Variants in CIMAP2 observed in about 807,000 individuals in gnomAD.
CIMAP2 encodes the protein ciliary microtubule associated protein 2.
chr1:54,820,403 C>T, the CIMAP2 span, among the ~76,000 whole-genome samples: 3 of 151,796 alleles, frequency 2.0e-5, no homozygotes, highest in Non-Finnish European at 4.4e-5. Flanking sequence ...GTCTCAAACT[C>T]CTGGCTTCAA....
chr1:54,811,793 G>T, the CIMAP2 span: 1 of 258,626 alleles, frequency 3.9e-6, no homozygotes, highest in Non-Finnish European at 7.1e-6. Context: ...CCGCCCCACA[G>T]AACTACTATC....
At chr1:54,808,046 AG>A in the CIMAP2 span, 1 of 1,508,228 alleles carries the variant, frequency 6.6e-7, no homozygotes, top group East Asian at 2.4e-5. Context: ...CCAAGCAGAG[AG>A]CCTGGCATAC....
chr1:54,821,261 G>T, the CIMAP2 span, among the ~76,000 whole-genome samples: 1 of 152,100 alleles, frequency 6.6e-6, no homozygotes, highest in Middle Eastern at 3.4e-3. Flanking sequence ...TTTTGTTTTT[G>T]TTGCTTGTGC....
the CIMAP2 span, chr1:54,811,765 G>GCCGGGGGGGGGGGGGGCCGGGCCC: frequency 7.7e-7 from 1 of 1,301,332 alleles, no homozygotes; most frequent in Non-Finnish European, 1.1e-6. Flanking sequence ...GGTTCTGACA[G>GCCGGGGGGGGGGGGGGCCGGGCCC]CCTCCATGCC....
the CIMAP2 span, chr1:54,807,871 T>C: frequency 6.4e-7 from 1 of 1,557,046 alleles, no homozygotes; most frequent in East Asian, 2.3e-5. Flanking sequence ...TTTCATTTTC[T>C]CTCTTCTCTT....
chr1:54,811,773 G>GCCCTCCC, the CIMAP2 span: 2 of 1,325,052 alleles, frequency 1.5e-6, no homozygotes, highest in Non-Finnish European at 1.0e-6. Flanking sequence ...CAGCCTCCAT[G>GCCCTCCC]CCCCCACCCC....
chr1:54,822,403 A>G, the CIMAP2 span, among the ~76,000 whole-genome samples: 1 of 143,466 alleles, frequency 7.0e-6, no homozygotes, highest in Non-Finnish European at 1.5e-5. Flanking sequence ...TTCAGTCTCT[A>G]TTTTGTTTAG....
chr1:54,834,082 C>G, the CIMAP2 span, among the ~76,000 whole-genome samples: 1 of 152,188 alleles, frequency 6.6e-6, no homozygotes, highest in African/African-American at 2.4e-5. Flanking sequence ...AAGTGATCTG[C>G]CTGCCTCAGC....
the CIMAP2 span, among the ~76,000 whole-genome samples, chr1:54,821,985 G>A: frequency 3.5e-5 from 3 of 85,932 alleles, no homozygotes; most frequent in Admixed American, 1.5e-4. Context: ...TGCAAGCTCC[G>A]CCTCCCGGGT....
chr1:54,841,041 T>A, the CIMAP2 span, among the ~76,000 whole-genome samples: 1 of 152,236 alleles, frequency 6.6e-6, no homozygotes, highest in East Asian at 1.9e-4. Flanking sequence ...GCCGTGGGCA[T>A]GGTGAGGAAT....
the CIMAP2 span, among the ~76,000 whole-genome samples, chr1:54,831,684 A>G: frequency 1.3e-4 from 20 of 152,310 alleles, no homozygotes; most frequent in Admixed American, 1.2e-3. Flanking sequence ...ACATGCATGT[A>G]AAAATACATC....
chr1:54,807,216 C>A, the CIMAP2 span: 1 of 1,012,778 alleles, frequency 9.9e-7, no homozygotes, highest in Non-Finnish European at 1.5e-6. Context: ...GAGCTGGACC[C>A]ACAGTGGGGG....
the CIMAP2 span, chr1:54,808,040 G>A: frequency 6.6e-7 from 1 of 1,516,296 alleles, no homozygotes; most frequent in Non-Finnish European, 8.8e-7. Context: ...GGAGTCCCAA[G>A]CAGAGAGCCT....
the CIMAP2 span, chr1:54,807,819 G>A: frequency 4.9e-5 from 75 of 1,521,008 alleles, no homozygotes; most frequent in Middle Eastern, 1.8e-4. Context: ...ACACCATCGT[G>A]CCTTGGGCTT....
the CIMAP2 span, among the ~76,000 whole-genome samples, chr1:54,812,859 A>G: frequency 3.3e-5 from 5 of 152,246 alleles, no homozygotes; most frequent in Non-Finnish European, 7.3e-5. Context: ...AAACTCAGTC[A>G]TCAATGAATA....
chr1:54,823,203 C>G, the CIMAP2 span, among the ~76,000 whole-genome samples: 1 of 152,134 alleles, frequency 6.6e-6, no homozygotes, highest in African/African-American at 2.4e-5. Flanking sequence ...AAGTCTATCT[C>G]TTTCTTTAGC....
chr1:54,811,769 C>CGGGGGG, the CIMAP2 span: 1 of 510,024 alleles, frequency 2.0e-6, no homozygotes, highest in Non-Finnish European at 3.9e-6. Flanking sequence ...CTGACAGCCT[C>CGGGGGG]CATGCCCCCA....
the CIMAP2 span, among the ~76,000 whole-genome samples, chr1:54,809,368 A>G: frequency 2.6e-5 from 4 of 152,210 alleles, no homozygotes; most frequent in African/African-American, 9.7e-5. Context: ...ATGCACCTTC[A>G]GGTGCAGAAG....
the CIMAP2 span, among the ~76,000 whole-genome samples, chr1:54,813,527 GA>G: frequency 6.6e-6 from 1 of 152,218 alleles, no homozygotes; most frequent in African/African-American, 2.4e-5. Context: ...TCCAACAAAT[GA>G]AAGAAAGAAG....
Sources: allele counts gnomAD v4.1 joint callset (sites outside exome capture counted in the v4.1 genomes callset), GRCh38; gene constraint gnomAD v4.1.1; transcripts MANE v1.5; gene names NCBI Gene and HGNC (gene_info 2026-07-23, HGNC 2026-07-21).